PDE4C: variants seen among roughly 807,000 people sequenced by gnomAD.
PDE4C encodes 3',5'-cyclic-AMP phosphodiesterase 4C.
A neutral mutation model predicts 63.9 loss-of-function variants in PDE4C; 50 were observed. The observed-to-expected ratio is 0.78, with a 90% CI of 0.62 to 0.99. The LOEUF is 0.99. Among genes scored for constraint, PDE4C ranks in the 50% least tolerant of loss-of-function variants. The pLI is 0.00. For missense variants in PDE4C, 777 were observed against 899.1 expected, an observed-to-expected ratio of 0.86 and a Z score of 1.74; for synonymous variants, 377 against 385.1, an observed-to-expected ratio of 0.98 and a Z score of 0.25.
exon 8 of PDE4C, chr19:18,219,363 GGTC>G: frequency 6.2e-7 from 1 of 1,612,548 alleles, no homozygotes; most frequent in Non-Finnish European, 8.5e-7. Context: ...CCTCCTCAGC[GGTC>G]ACCTTGGGCA....
upstream of PDE4C, among the ~76,000 whole-genome samples, chr19:18,235,936 T>A (rs1409837806): frequency 6.6e-6 from 1 of 151,936 alleles, no homozygotes; most frequent in African/African-American, 2.4e-5. Flanking sequence ...TTTGTTTTAC[T>A]GTTTTTTGTT....
chr19:18,214,025 G>A (rs1376748639), intron 12 of PDE4C, among the ~76,000 whole-genome samples: 6 of 152,124 alleles, frequency 3.9e-5, no homozygotes, highest in African/African-American at 9.7e-5. Context: ...TTGGGAGGCC[G>A]AGGCAGGTGG....
At chr19:18,228,592 A>C (rs902791828), upstream of PDE4C, among the ~76,000 whole-genome samples, 1 of 152,190 alleles carries the variant, frequency 6.6e-6, no homozygotes, top group Non-Finnish European at 1.5e-5. Flanking sequence ...GGCGAGTCTC[A>C]CATTAATATT....
At chr19:18,216,981 C>T in intron 11 of PDE4C, 86 bp from the exon 12 acceptor site, 1 of 1,464,692 alleles carries the variant, frequency 6.8e-7, no homozygotes, top group Non-Finnish European at 9.2e-7. Context: ...CCTTAGCAAA[C>T]TCCTACCCAT....
upstream of PDE4C, chr19:18,252,318 G>T (rs1969240205): frequency 2.5e-6 from 1 of 399,122 alleles, no homozygotes; most frequent in East Asian, 3.6e-5. Flanking sequence ...TGAACTTGAG[G>T]GGCTGAGGTG....
At chr19:18,210,735 G>A in exon 15 of PDE4C, 1 of 881,774 alleles carries the variant, frequency 1.1e-6, no homozygotes, top group South Asian at 2.4e-5. Flanking sequence ...GGCAAGTCTA[G>A]GGTCAGAGTG....
At chr19:18,243,852 G>A (rs780223590) in intron 1 of PDE4C, among the ~76,000 whole-genome samples, 8 of 151,612 alleles carry the variant, frequency 5.3e-5, no homozygotes, top group Non-Finnish European at 1.2e-4. Flanking sequence ...TACCACTCCT[G>A]ATTTTTTATC....
At chr19:18,246,474 C>G (rs904365339) in intron 1 of PDE4C, among the ~76,000 whole-genome samples, 1 of 152,022 alleles carries the variant, frequency 6.6e-6, no homozygotes, top group Non-Finnish European at 1.5e-5. Flanking sequence ...TGAGCCACCG[C>G]GCCCAGACTA....
chr19:18,210,937 T>C (rs1448972249), exon 15 of PDE4C: 1 of 1,606,692 alleles, frequency 6.2e-7, no homozygotes, highest in African/African-American at 1.3e-5. Flanking sequence ...CCCTAAGTCC[T>C]CTGGTTGTCG....
intron 14 of PDE4C, 92 bp from the exon 15 acceptor site, chr19:18,211,368 C>T: frequency 4.5e-6 from 5 of 1,112,042 alleles, no homozygotes; most frequent in Non-Finnish European, 6.3e-6. Flanking sequence ...AAGTTGTTCC[C>T]TCTGCCTGGA....
chr19:18,254,933 T>C, the PDE4C span, among the ~76,000 whole-genome samples: 1 of 152,192 alleles, frequency 6.6e-6, no homozygotes. Flanking sequence ...GCAACAGATT[T>C]GAAAAGGAGC....
chr19:18,216,798 G>A (rs200776767), exon 12 of PDE4C: 2 of 1,614,122 alleles, frequency 1.2e-6, no homozygotes, highest in East Asian at 2.2e-5. Context: ...GGTTCTGGAA[G>A]ATATCGCAGT....
rs549638905 is a variant in PDE4C, at chr19:18,212,813, G to A, written c.1512+555C>T. On this transcript the variant is annotated intron_variant, in intron 13 of 14. Transcript: ENST00000262805. ...AAGCAATTCTCTGCCTCAGCCTCCC[G>A]AGTAGCTGAGATTACAGGCGCCCGC... is the stretch of plus-strand genomic sequence containing the variant. Among the ~76,000 whole-genome samples, 8 of 151,216 alleles carry A rather than the reference G, an allele frequency of 5.3e-5. No individual in the cohort carries two copies. The East Asian group carries it at 8.1e-4, about 15-fold the overall frequency.
chr19:18,219,969 G>A (rs903933059), intron 7 of PDE4C, among the ~76,000 whole-genome samples: 11 of 151,922 alleles, frequency 7.2e-5, no homozygotes, highest in Non-Finnish European at 1.0e-4. Flanking sequence ...TGTCCTTTCC[G>A]TCTCCCAAGC....
chr19:18,253,865 T>G, the PDE4C span, among the ~76,000 whole-genome samples: 1 of 152,214 alleles, frequency 6.6e-6, no homozygotes, highest in Non-Finnish European at 1.5e-5. Flanking sequence ...TCCCACCCAG[T>G]TCCAGGTGAC....
chr19:18,218,541 C>A (rs1392854016), intron 9 of PDE4C, 43 bp from the exon 10 acceptor site: 2 of 1,607,186 alleles, frequency 1.2e-6, no homozygotes, highest in Admixed American at 1.7e-5. Flanking sequence ...GGCCTTGGGG[C>A]TGCAGCACAC....
At chr19:18,217,015 T>C (rs1053282630) in intron 11 of PDE4C, 120 bp from the exon 12 acceptor site, 15 of 1,109,694 alleles carry the variant, frequency 1.4e-5, no homozygotes, top group Admixed American at 2.7e-5. Flanking sequence ...AACTCTAGCA[T>C]GCCCTCCTGT....
exon 1 of PDE4C, chr19:18,233,385 C>T (rs1968892993): frequency 1.3e-6 from 1 of 748,588 alleles, no homozygotes; most frequent in Non-Finnish European, 2.3e-6. Flanking sequence ...GAGGAGCTGT[C>T]GATGCCCAGA....
upstream of PDE4C, among the ~76,000 whole-genome samples, chr19:18,230,726 C>A (rs978696729): frequency 3.3e-5 from 5 of 152,166 alleles, no homozygotes; most frequent in African/African-American, 9.7e-5. Context: ...CCCAAGCAGT[C>A]CTCCCTGACT....
Sources: gnomAD v4.1 joint callset for allele counts (sites outside exome capture counted in the v4.1 genomes callset) on GRCh38, gnomAD v4.1.1 for gene constraint, MANE v1.5 for transcripts, NCBI Gene and HGNC (gene_info 2026-07-23, HGNC 2026-07-21) for gene names.